EGFR: variants seen among roughly 807,000 people sequenced by gnomAD.
The protein encoded by EGFR is epidermal growth factor receptor, also known as avian erythroblastic leukemia viral (v-erb-b) oncogene homolog.
Under a neutral mutation model 143.0 loss-of-function variants are expected in EGFR, and 58 were observed. The observed-to-expected ratio is 0.41, with a 90% CI of 0.33 to 0.50. EGFR has a LOEUF of 0.50. EGFR is among the 20% of genes least tolerant of loss of function. The pLI is 0.39. For synonymous variants in EGFR, 613 were observed against 594.4 expected (o/e 1.03, Z -0.45); for missense variants, 1,307 against 1,579.0 (o/e 0.83, Z 2.92).
rs374606992 is a variant in EGFR at position 55,202,668 on chromosome 7, C to T, written c.3271+43C>T. ...AAACAGTCCTGCTCCTCAACCTCCTCGACCCACTCAGCAGCAGCCAGTCTC... is the reference window on the plus strand; with the variant it reads ...AAACAGTCCTGCTCCTCAACCTCCTTGACCCACTCAGCAGCAGCCAGTCTC... On this transcript the variant is annotated intron_variant, in intron 27 of 27. Transcript: ENST00000275493. 9.7e-6 allele frequency: 15 copies of T among 1,554,158 alleles called. No homozygotes were observed. In the African/African-American group the frequency reaches 1.8e-4, roughly 18 times the overall value.
At chr7:55,090,213 C>T (rs1791027418) in intron 1 of EGFR, among the ~76,000 whole-genome samples, 1 of 152,166 alleles carries the variant, frequency 6.6e-6, no homozygotes, top group African/African-American at 2.4e-5. Context: ...GTGATCCACC[C>T]ACCTCGGCTT....
Position 55,074,662 on chromosome 7 carries a change from G to A in EGFR, c.88+55297G>A, listed in dbSNP as rs528023582. ...ATGATTAAAGAATATCTAATATTTG[G>A]GAATGCATACTTTAACCTTATAAAC... On this transcript the variant is annotated intron_variant, in intron 1 of 27. Coordinates refer to ENST00000275493, the MANE Select transcript of EGFR (RefSeq NM_005228.5). Among the ~76,000 whole-genome samples the A allele has an allele frequency of 1.3e-4, 20 of 152,168 alleles. No homozygotes were observed. The South Asian group carries it at 4.2e-3, about 32-fold the overall frequency.
intron 1 of EGFR, among the ~76,000 whole-genome samples, chr7:55,088,857 G>A (rs553359509): frequency 4.6e-5 from 7 of 152,194 alleles, no homozygotes; most frequent in African/African-American, 9.6e-5. Flanking sequence ...CATCTCCCAC[G>A]CCCTCCATCA....
intron 1 of EGFR, among the ~76,000 whole-genome samples, chr7:55,118,010 C>T (rs560543792): frequency 1.3e-5 from 2 of 152,276 alleles, no homozygotes; most frequent in South Asian, 2.1e-4. Flanking sequence ...CACTCAGACT[C>T]GGCGTGTCTA....
At chr7:55,139,237 G>C (rs552283812) in intron 1 of EGFR, among the ~76,000 whole-genome samples, 1 of 152,182 alleles carries the variant, frequency 6.6e-6, no homozygotes, top group Non-Finnish European at 1.5e-5. Flanking sequence ...GTCACCCAAT[G>C]AGGAAGTGGC....
intron 1 of EGFR, among the ~76,000 whole-genome samples, chr7:55,046,141 A>G (rs1788164094): frequency 1.3e-5 from 2 of 152,108 alleles, no homozygotes; most frequent in Non-Finnish European, 2.9e-5. Context: ...AGACAGTACT[A>G]TGGGTAGTAT....
intron 1 of EGFR, among the ~76,000 whole-genome samples, chr7:55,087,098 T>A (rs970830440): frequency 2.6e-5 from 4 of 151,872 alleles, no homozygotes; most frequent in African/African-American, 4.8e-5. Context: ...GAAAAATATT[T>A]TCCCCCCGCG....
intron 4 of EGFR, among the ~76,000 whole-genome samples, chr7:55,147,345 G>A (rs956572203): frequency 1.3e-5 from 2 of 152,220 alleles, no homozygotes; most frequent in African/African-American, 2.4e-5. Context: ...GCACTGATGG[G>A]GGACTCTGAG....
intron 1 of EGFR, among the ~76,000 whole-genome samples, chr7:55,021,165 T>C (rs373898286): frequency 4.5e-4 from 69 of 152,278 alleles, no homozygotes; most frequent in African/African-American, 1.6e-3. Flanking sequence ...ATTCCAATAA[T>C]AAAGGATTCC....
intron 1 of EGFR, among the ~76,000 whole-genome samples, chr7:55,137,382 C>T (rs1408551141): frequency 6.6e-6 from 1 of 152,166 alleles, no homozygotes; most frequent in African/African-American, 2.4e-5. Flanking sequence ...TCTGGAGAAA[C>T]TTGTTCTAAT....
At chr7:55,125,647 G>T (rs1018863931) in intron 1 of EGFR, among the ~76,000 whole-genome samples, 2 of 152,232 alleles carry the variant, frequency 1.3e-5, no homozygotes, top group Admixed American at 6.5e-5. Flanking sequence ...TGTAAGAAAT[G>T]ATGCGGATAA....
chr7:55,141,547 C>T (rs1184562187), intron 1 of EGFR, among the ~76,000 whole-genome samples: 1 of 152,270 alleles, frequency 6.6e-6, no homozygotes, highest in Admixed American at 6.5e-5. Flanking sequence ...GGGTTTCTCA[C>T]TAGCTGAGAG....
intron 1 of EGFR, among the ~76,000 whole-genome samples, chr7:55,134,536 C>T (rs536086487): frequency 1.3e-5 from 2 of 152,212 alleles, no homozygotes; most frequent in Non-Finnish European, 2.9e-5. Flanking sequence ...GGGTGCTGCC[C>T]GGCACACAGT....
intron 1 of EGFR, among the ~76,000 whole-genome samples, chr7:55,077,959 G>C (rs1790226477): frequency 6.6e-6 from 1 of 152,212 alleles, no homozygotes; most frequent in Admixed American, 6.5e-5. Flanking sequence ...GCACCAGGGA[G>C]ACGCTATCTG....
intron 1 of EGFR, among the ~76,000 whole-genome samples, chr7:55,047,567 T>C (rs1422341934): frequency 1.3e-5 from 2 of 152,156 alleles, no homozygotes; most frequent in Non-Finnish European, 2.9e-5. Flanking sequence ...CTGACCAAGA[T>C]GGTGAAACCC....
Position 55,181,259 on chromosome 7 carries a change from G to A in EGFR, c.2284-34G>A, listed in dbSNP as rs202058122. 554 of 1,613,310 alleles carry A rather than the reference G, an allele frequency of 3.4e-4. 1 individual carries two copies. The highest frequency in any genetic ancestry group is 3.9e-4 in the Non-Finnish European group (466 of 1,179,800). ...GTGCCCCTCCTTCTGGCCACCATGC[G>A]AAGCCACACTGACGTGCCTCTCCCT... On this transcript the variant is annotated intron_variant, in intron 19 of 27. Transcript: ENST00000275493.
intron 19 of EGFR, among the ~76,000 whole-genome samples, chr7:55,175,968 A>G (rs1786573566): frequency 6.6e-6 from 1 of 152,252 alleles, no homozygotes; most frequent in South Asian, 2.1e-4. Flanking sequence ...AATTGATGAT[A>G]TACTTATCAA....
chr7:55,030,806 A>C (rs1333560242), intron 1 of EGFR, among the ~76,000 whole-genome samples: 1 of 152,214 alleles, frequency 6.6e-6, no homozygotes, highest in Non-Finnish European at 1.5e-5. Flanking sequence ...GTAATAAGCT[A>C]TTCTGGCTGG....
chr7:55,203,392 G>T (rs1256661678), intron 27 of EGFR, among the ~76,000 whole-genome samples: 1 of 126,950 alleles, frequency 7.9e-6, no homozygotes, highest in Non-Finnish European at 1.6e-5. Flanking sequence ...CATACATACA[G>T]ACACACCACA....
Sources: gnomAD v4.1 joint callset for allele counts (sites outside exome capture counted in the v4.1 genomes callset) on GRCh38, gnomAD v4.1.1 for gene constraint, MANE v1.5 for transcripts, NCBI Gene and HGNC (gene_info 2026-07-23, HGNC 2026-07-21) for gene names.